Variants in CRIPTO observed in about 807,000 individuals in gnomAD.
CRIPTO encodes cripto, EGF-CFC family member.
the CRIPTO span, among the ~76,000 whole-genome samples, chr3:46,578,523 A>G: frequency 1.3e-5 from 2 of 152,148 alleles, no homozygotes; most frequent in Non-Finnish European, 2.9e-5. Context: ...AGCCTGGCCA[A>G]CATGGCAAAA....
the CRIPTO span, chr3:46,579,238 G>T: frequency 6.2e-7 from 1 of 1,613,968 alleles, no homozygotes; most frequent in Non-Finnish European, 8.5e-7. Context: ...TAAGGGCTGG[G>T]CCATCAGGAA....
the CRIPTO span, chr3:46,581,124 C>T: frequency 6.2e-7 from 1 of 1,610,424 alleles, no homozygotes; most frequent in African/African-American, 1.3e-5. Flanking sequence ...AGCATCCCTA[C>T]CTTCCAGATG....
At chr3:46,575,307 T>C in the CRIPTO span, among the ~76,000 whole-genome samples, 1 of 152,240 alleles carries the variant, frequency 6.6e-6, no homozygotes, top group African/African-American at 2.4e-5. Context: ...GGCCGCCCAG[T>C]AGTAGACATC....
At chr3:46,578,045 G>A in the CRIPTO span, 1 of 1,605,248 alleles carries the variant, frequency 6.2e-7, no homozygotes, top group Non-Finnish European at 8.5e-7. Flanking sequence ...TTGATTGCTA[G>A]AGATTGCCAG....
At chr3:46,581,718 G>A in the CRIPTO span, 3 of 423,904 alleles carry the variant, frequency 7.1e-6, no homozygotes, top group South Asian at 9.8e-5. Flanking sequence ...TCACCATATT[G>A]GCCAGTCTGG....
chr3:46,581,332 C>T, the CRIPTO span: 1 of 1,061,278 alleles, frequency 9.4e-7, no homozygotes, highest in Non-Finnish European at 1.5e-6. Context: ...CTACAATGTC[C>T]TAACTGAAAG....
At chr3:46,579,412 G>A in the CRIPTO span, 9 of 1,613,814 alleles carry the variant, frequency 5.6e-6, no homozygotes, top group East Asian at 2.0e-4. Context: ...CCCTTCATGT[G>A]TCTCCTGAGT....
At chr3:46,581,090 CAG>C in the CRIPTO span, 10 of 1,453,988 alleles carry the variant, frequency 6.9e-6, no homozygotes, top group African/African-American at 1.4e-4. Context: ...GATGAACTGC[CAG>C]AGAGGTTTGC....
chr3:46,580,835 G>T, the CRIPTO span, among the ~76,000 whole-genome samples: 17 of 152,220 alleles, frequency 1.1e-4, no homozygotes, highest in African/African-American at 2.7e-4. Flanking sequence ...GACAGGGATT[G>T]TGTCTTTGCC....
At chr3:46,576,615 T>C in the CRIPTO span, among the ~76,000 whole-genome samples, 2 of 152,014 alleles carry the variant, frequency 1.3e-5, no homozygotes, top group African/African-American at 4.8e-5. Flanking sequence ...CAATTCTTTC[T>C]GCCGAGGCCT....
chr3:46,579,318 A>G, the CRIPTO span: 2 of 1,614,070 alleles, frequency 1.2e-6, no homozygotes, highest in Non-Finnish European at 1.7e-6. Flanking sequence ...GGAGCCTGCA[A>G]TTCGGCCTCG....
At chr3:46,580,015 C>T in the CRIPTO span, 1 of 1,614,116 alleles carries the variant, frequency 6.2e-7, no homozygotes, top group South Asian at 1.1e-5. Context: ...TAAATGCTGG[C>T]ACGGTCAGCT....
the CRIPTO span, among the ~76,000 whole-genome samples, chr3:46,576,016 T>C: frequency 6.6e-6 from 1 of 152,150 alleles, no homozygotes; most frequent in Non-Finnish European, 1.5e-5. Flanking sequence ...GCATGCTACC[T>C]GAAGCATTTC....
the CRIPTO span, among the ~76,000 whole-genome samples, chr3:46,576,480 C>CAAAAAAAAA: frequency 1.1e-4 from 6 of 55,048 alleles, no homozygotes; most frequent in African/African-American, 4.7e-4. Context: ...GACTCTGTCG[C>CAAAAAAAAA]AAAAAAAAAA....
the CRIPTO span, chr3:46,581,085 A>AGGATGTGGG: frequency 2.1e-6 from 3 of 1,402,452 alleles, no homozygotes; most frequent in Non-Finnish European, 3.0e-6. Flanking sequence ...AGCAGGATGA[A>AGGATGTGGG]CTGCCAGAGA....
chr3:46,576,192 G>C, the CRIPTO span, among the ~76,000 whole-genome samples: 2 of 152,278 alleles, frequency 1.3e-5, no homozygotes, highest in East Asian at 1.9e-4. Flanking sequence ...GTGTAAGGCC[G>C]GGCGCGGTAG....
the CRIPTO span, among the ~76,000 whole-genome samples, chr3:46,576,480 CAAAAAAAAAA>C: frequency 2.0e-4 from 11 of 55,048 alleles, no homozygotes; most frequent in East Asian, 1.4e-3. Context: ...GACTCTGTCG[CAAAAAAAAAA>C]AAAAAAAAAA....
chr3:46,574,888 A>G, the CRIPTO span, among the ~76,000 whole-genome samples: 1 of 152,224 alleles, frequency 6.6e-6, no homozygotes, highest in African/African-American at 2.4e-5. Context: ...TTTAAACACA[A>G]TTCTGCCCCA....
At chr3:46,580,561 A>G in the CRIPTO span, among the ~76,000 whole-genome samples, 1 of 141,816 alleles carries the variant, frequency 7.1e-6, no homozygotes, top group Non-Finnish European at 1.6e-5. Context: ...CAGAACCCTT[A>G]CCATGACTGG....
Sources: gnomAD v4.1 joint callset for allele counts (sites outside exome capture counted in the v4.1 genomes callset) on GRCh38, gnomAD v4.1.1 for gene constraint, MANE v1.5 for transcripts, NCBI Gene and HGNC (gene_info 2026-07-23, HGNC 2026-07-21) for gene names.